Variants in GCSAML observed in about 807,000 individuals in gnomAD.
GCSAML encodes the protein germinal center-associated signaling and motility-like protein.
GCSAML carries 9 observed loss-of-function variants against 13.0 expected under a neutral mutation model. The observed-to-expected ratio is 0.69, with a 90% CI of 0.42 to 1.21. The LOEUF (loss-of-function observed/expected upper bound fraction) is 1.21. GCSAML is among the 50% of genes most tolerant of loss of function. The pLI, the probability that GCSAML is intolerant of heterozygous loss-of-function variation, is 0.00. For synonymous variants in GCSAML, 37 were observed against 52.9 expected, an observed-to-expected ratio of 0.70 and a Z score of 1.31; for missense variants, 143 against 153.4, an observed-to-expected ratio of 0.93 and a Z score of 0.36.
At chr1:247,513,161 T>C (rs549846911) in intron 1 of GCSAML, among the ~76,000 whole-genome samples, 4 of 152,314 alleles carry the variant, frequency 2.6e-5, no homozygotes, top group African/African-American at 9.6e-5. Context: ...GTTTTATCTA[T>C]AAGCTCCTGA....
intron 4 of GCSAML, among the ~76,000 whole-genome samples, chr1:247,570,779 C>T (rs1042533722): frequency 6.6e-6 from 1 of 152,098 alleles, no homozygotes; most frequent in Non-Finnish European, 1.5e-5. Context: ...TCTTCTGTCT[C>T]GTTGATCTGT....
upstream of GCSAML, among the ~76,000 whole-genome samples, chr1:247,546,968 T>C (rs1572343116): frequency 6.7e-6 from 1 of 148,174 alleles, no homozygotes. Context: ...CCTAGTGTGA[T>C]GGCACACACC....
chr1:247,570,896 A>G (rs540795624), intron 4 of GCSAML, among the ~76,000 whole-genome samples: 109 of 152,244 alleles, frequency 7.2e-4, no homozygotes, highest in African/African-American at 2.4e-3. Flanking sequence ...GTGCTCCTGT[A>G]TTCGGTGCAT....
At chr1:247,563,111 G>T (rs927806032) in intron 2 of GCSAML, among the ~76,000 whole-genome samples, 1 of 150,848 alleles carries the variant, frequency 6.6e-6, no homozygotes, top group Admixed American at 6.7e-5. Flanking sequence ...GCCTCCCAAA[G>T]TGCTGGGATC....
intron 2 of GCSAML, chr1:247,528,149 G>A (rs1314501646): frequency 6.6e-6 from 1 of 151,868 alleles, no homozygotes; most frequent in Admixed American, 6.6e-5. Flanking sequence ...ATGTGTCTCT[G>A]ACTCCTAGAG....
chr1:247,565,734 T>C (rs1243736715), intron 3 of GCSAML, 197 bp from the exon 4 acceptor site: 24 of 540,788 alleles, frequency 4.4e-5, no homozygotes, highest in Non-Finnish European at 7.5e-5. Flanking sequence ...ACATGTTCTT[T>C]CTTGATTTTT....
At chr1:247,514,594 T>C (rs1024726993) in intron 1 of GCSAML, among the ~76,000 whole-genome samples, 1 of 152,244 alleles carries the variant, frequency 6.6e-6, no homozygotes, top group Non-Finnish European at 1.5e-5. Flanking sequence ...AGAATCTTTA[T>C]GGCTTCAGGT....
intron 1 of GCSAML, among the ~76,000 whole-genome samples, chr1:247,518,066 G>A (rs1486530812): frequency 1.3e-5 from 2 of 152,214 alleles, no homozygotes; most frequent in African/African-American, 2.4e-5. Flanking sequence ...TCCTGCCACA[G>A]CACTCGCAGC....
Position 247,571,657 on chromosome 1 carries a change from T to A in GCSAML, c.169-2486T>A, listed in dbSNP as rs543672662. 4.6e-5 allele frequency among the ~76,000 whole-genome samples: 7 copies of A among 152,310 alleles called. No individual in the cohort carries two copies. In the East Asian group the frequency reaches 1.3e-3, roughly 29 times the overall value. Reference sequence around the variant, plus strand: ...ATTTTTTCCTTCATTTCAACGTCGGTGAATCTGATGATTATGTGTCTTGGG... The same window carrying A: ...ATTTTTTCCTTCATTTCAACGTCGGAGAATCTGATGATTATGTGTCTTGGG... On this transcript the variant is annotated intron_variant, in intron 4 of 4. Coordinates refer to ENST00000366488, the MANE Select transcript of GCSAML (RefSeq NM_145278.5).
intron 1 of GCSAML, among the ~76,000 whole-genome samples, chr1:247,513,172 C>A (rs909517460): frequency 6.6e-6 from 1 of 152,226 alleles, no homozygotes; most frequent in African/African-American, 2.4e-5. Flanking sequence ...AAGCTCCTGA[C>A]TGGGGCTGTT....
intron 4 of GCSAML, among the ~76,000 whole-genome samples, chr1:247,570,245 C>A (rs1267644474): frequency 6.6e-6 from 1 of 152,086 alleles, no homozygotes; most frequent in Non-Finnish European, 1.5e-5. Context: ...TTGTCTTCTG[C>A]TAGCTTTTGA....
upstream of GCSAML, among the ~76,000 whole-genome samples, chr1:247,546,398 A>T (rs373383316): frequency 2.6e-5 from 4 of 151,974 alleles, no homozygotes; most frequent in South Asian, 4.2e-4. Context: ...TCGCTCTGTC[A>T]CCCAGGCTGG....
At chr1:247,521,113 ATTTTT>A (rs68098651) in intron 1 of GCSAML, among the ~76,000 whole-genome samples, 16 of 136,880 alleles carry the variant, frequency 1.2e-4, no homozygotes, top group Non-Finnish European at 1.9e-4. Context: ...ACATTCTTGC[ATTTTT>A]TTTTTTTTTT....
At chr1:247,542,964 C>CTGTA (rs1410722985) in intron 2 of GCSAML, among the ~76,000 whole-genome samples, 4 of 152,240 alleles carry the variant, frequency 2.6e-5, no homozygotes, top group African/African-American at 9.6e-5. Flanking sequence ...CTGTGTAGAG[C>CTGTA]TGTAGACCAG....
intron 4 of GCSAML, among the ~76,000 whole-genome samples, chr1:247,566,732 T>C (rs549575940): frequency 6.6e-6 from 1 of 152,336 alleles, no homozygotes; most frequent in South Asian, 2.1e-4. Flanking sequence ...AAAAAGTTTA[T>C]TCCTTTTGAT....
At position 247,574,208 on chromosome 1, in the gene GCSAML, G is replaced by A. The variant is rs1166002432; in HGVS notation, c.234G>A (p.Gln78=). The change falls in exon 5 of 5, where the codon CAG becomes CAA. Residue 78 remains glutamine (Q), a synonymous_variant. Coordinates refer to ENST00000366488, the MANE Select transcript of GCSAML (RefSeq NM_145278.5). ...CTGTCATTAATCACATCCCCCATCA[G>A]AGATCCTCCCTGAGCTCCAATGATG... ...CYTVINHIPH[Q]RSSLSSNDDG... is the part of the protein sequence containing the mutation. The A allele has an allele frequency of 3.1e-6, 5 of 1,614,050 alleles. 1 individual carries two copies. In the South Asian group the frequency reaches 5.5e-5, roughly 18 times the overall value.
At chr1:247,532,246 G>C in intron 2 of GCSAML, 1 of 1,614,216 alleles carries the variant, frequency 6.2e-7, no homozygotes, top group Non-Finnish European at 8.5e-7. Context: ...GGTTTTCTGT[G>C]GTCCCCAGAG....
Position 247,561,985 on chromosome 1 carries a change from A to G in GCSAML, c.90-1605A>G, listed in dbSNP as rs546136162. ...AAGGAGAATGGATCCCTCAGGCTTA[A>G]GACCTGTCCTCTTCAATGGCTTACA... On this transcript the variant is annotated intron_variant, in intron 2 of 4. Transcript: ENST00000366488. 2.6e-5 allele frequency among the ~76,000 whole-genome samples: 4 copies of G among 152,310 alleles called. No homozygotes were observed. The East Asian group carries it at 7.7e-4, about 29-fold the overall frequency.
intron 1 of GCSAML, among the ~76,000 whole-genome samples, chr1:247,517,920 G>T (rs982440418): frequency 2.0e-5 from 3 of 152,162 alleles, no homozygotes; most frequent in African/African-American, 7.2e-5. Flanking sequence ...TTCTGGAGAG[G>T]CCAAAGCTGG....
Sources: gnomAD v4.1 joint callset for allele counts (sites outside exome capture counted in the v4.1 genomes callset) on GRCh38, gnomAD v4.1.1 for gene constraint, MANE v1.5 for transcripts, NCBI Gene and HGNC (gene_info 2026-07-23, HGNC 2026-07-21) for gene names.